BPIFA2: variants seen among roughly 807,000 people sequenced by gnomAD.
The protein encoded by BPIFA2 is BPI fold containing family A member 2.
Under a neutral mutation model 25.7 loss-of-function variants are expected in BPIFA2, and 20 were observed. The observed-to-expected ratio is 0.78, with a 90% confidence interval of 0.55 to 1.13. The LOEUF is 1.13. Among genes scored for constraint, BPIFA2 ranks in the 50% most tolerant of loss-of-function variants. BPIFA2 has a pLI of 0.00. For missense variants in BPIFA2, 300 were observed against 298.1 expected (o/e 1.01, Z -0.05); for synonymous variants, 126 against 124.3 (o/e 1.01, Z -0.09).
rs200787270 is a variant in BPIFA2, at chr20:33,169,348, T to A, written c.157+46T>A. On this transcript the variant is annotated intron_variant, in intron 2 of 8. Coordinates refer to ENST00000354932, the MANE Select transcript of BPIFA2 (RefSeq NM_080574.4). ...AACAGTGTCACCTAAATTAGCCTCC[T>A]AAACACTATGCCTGCATTACCAGAG... The A allele has an allele frequency of 1.8e-5, 29 of 1,589,110 alleles. No individual in the cohort carries two copies. In the Admixed American group the frequency reaches 4.8e-4, roughly 27 times the overall value.
At chr20:33,180,422 G>C (rs1984236502) in intron 7 of BPIFA2, 98 bp from the exon 8 acceptor site, 1 of 1,360,364 alleles carries the variant, frequency 7.4e-7, no homozygotes, top group Admixed American at 1.7e-5. Context: ...TCCCACAACT[G>C]TCAGGTTACC....
chr20:33,176,581 TG>T (rs1568609548), intron 5 of BPIFA2, among the ~76,000 whole-genome samples: 1 of 152,218 alleles, frequency 6.6e-6, no homozygotes, highest in South Asian at 2.1e-4. Context: ...GGAGCCTGGC[TG>T]GGTGCTATCT....
chr20:33,167,725 C>A (rs1046183957), upstream of BPIFA2, among the ~76,000 whole-genome samples: 4 of 152,102 alleles, frequency 2.6e-5, no homozygotes, highest in Non-Finnish European at 5.9e-5. Context: ...CAATTCTAGA[C>A]CCATCTCGGT....
upstream of BPIFA2, among the ~76,000 whole-genome samples, chr20:33,167,969 A>G (rs928506243): frequency 1.3e-5 from 2 of 152,168 alleles, no homozygotes; most frequent in African/African-American, 4.8e-5. Context: ...AGCCCTCTCC[A>G]TAGCCATCCG....
At chr20:33,164,559 CTCTTTCTT>C (rs72080740), upstream of BPIFA2, among the ~76,000 whole-genome samples, 958 of 151,506 alleles carry the variant, frequency 6.3e-3, 13 homozygotes, top group East Asian at 0.034. Context: ...TCCCCTCTCT[CTCTTTCTT>C]TCTTTCTTTC....
chr20:33,164,619 C>A (rs6120129), upstream of BPIFA2, among the ~76,000 whole-genome samples: 9,189 of 151,396 alleles, frequency 0.061, 948 homozygotes, highest in African/African-American at 0.21. Context: ...TCTTCCCTCC[C>A]TCCTTCCCTC....
At chr20:33,178,313 C>A in intron 6 of BPIFA2, 85 bp downstream of exon 6, 2 of 1,060,974 alleles carry the variant, frequency 1.9e-6, no homozygotes, top group Non-Finnish European at 2.7e-6. Context: ...ATCCTCTGAG[C>A]ACTTTTCCTT....
At chr20:33,173,345 A>G (rs17124287) in intron 3 of BPIFA2, among the ~76,000 whole-genome samples, 14,054 of 152,092 alleles carry the variant, frequency 0.092, 2,131 homozygotes, top group African/African-American at 0.31. Context: ...ACCTCTACCC[A>G]TTTGCTGGTA....
chr20:33,179,684 G>C lies in BPIFA2; in HGVS notation c.709+17G>C, dbSNP rs780563880. 1.3e-6 allele frequency: 2 copies of C among 1,596,908 alleles called. No homozygotes were observed. Among genetic ancestry groups the C allele is most frequent in the African/African-American group, 2.7e-5 (2 of 74,248 alleles). Reference sequence around the variant, plus strand: ...AGGTCGTCGGTAAGTCAATGGGGAAGTGGGGACCTTCTGAGGCAGGCATGG... The same window carrying C: ...AGGTCGTCGGTAAGTCAATGGGGAACTGGGGACCTTCTGAGGCAGGCATGG... On this transcript the variant is annotated intron_variant, in intron 7 of 8. Coordinates refer to ENST00000354932, the MANE Select transcript of BPIFA2 (RefSeq NM_080574.4).
intron 5 of BPIFA2, among the ~76,000 whole-genome samples, chr20:33,177,373 G>T (rs79781574): frequency 4.8e-4 from 72 of 150,668 alleles, no homozygotes; most frequent in African/African-American, 1.7e-3. Context: ...AAAAAAAAGT[G>T]TATTGAGCAT....
chr20:33,176,083 A>T (rs1225532781), intron 5 of BPIFA2, among the ~76,000 whole-genome samples: 1 of 152,228 alleles, frequency 6.6e-6, no homozygotes, highest in Non-Finnish European at 1.5e-5. Context: ...TAACGATAAA[A>T]TTATATTTAC....
intron 4 of BPIFA2, 39 bp from the exon 5 acceptor site, chr20:33,175,368 C>A (rs757943987): frequency 1.9e-6 from 3 of 1,595,750 alleles, no homozygotes; most frequent in Non-Finnish European, 2.6e-6. Flanking sequence ...CAGGCAGGAA[C>A]TTCTAGACTT....
chr20:33,176,148 T>TA (rs11481237), intron 5 of BPIFA2, among the ~76,000 whole-genome samples: 11,691 of 152,316 alleles, frequency 0.077, 1,477 homozygotes, highest in African/African-American at 0.26. Flanking sequence ...CCACGGGCTC[T>TA]AATTTCAGAT....
chr20:33,169,096 C>T (rs1428392309), intron 1 of BPIFA2, 35 bp from the exon 2 acceptor site: 1 of 1,559,418 alleles, frequency 6.4e-7, no homozygotes, highest in Non-Finnish European at 8.8e-7. Context: ...TCCCTCTGGG[C>T]AATTCTCACT....
intron 1 of BPIFA2, among the ~76,000 whole-genome samples, chr20:33,162,624 G>A (rs1241801081): frequency 3.3e-5 from 5 of 152,228 alleles, no homozygotes; most frequent in African/African-American, 4.8e-5. Flanking sequence ...ATGTCAGGCA[G>A]ATGATCATGG....
At chr20:33,180,274 C>G (rs1389465491) in intron 7 of BPIFA2, among the ~76,000 whole-genome samples, 1 of 152,070 alleles carries the variant, frequency 6.6e-6, no homozygotes, top group Non-Finnish European at 1.5e-5. Context: ...AGTCCAGTCC[C>G]TTAGGCAGTC....
At chr20:33,163,403 C>G (rs895378475), upstream of BPIFA2, among the ~76,000 whole-genome samples, 4 of 152,198 alleles carry the variant, frequency 2.6e-5, no homozygotes, top group African/African-American at 7.2e-5. Context: ...AACCCACAAC[C>G]CTTCAACCAG....
At chr20:33,177,729 T>C (rs1221042892) in intron 5 of BPIFA2, among the ~76,000 whole-genome samples, 1 of 151,622 alleles carries the variant, frequency 6.6e-6, no homozygotes, top group Non-Finnish European at 1.5e-5. Context: ...ATACTAAGAG[T>C]TGAAGGTGGG....
chr20:33,178,812 G>A (rs982567519), intron 6 of BPIFA2, among the ~76,000 whole-genome samples: 5 of 152,234 alleles, frequency 3.3e-5, no homozygotes, highest in African/African-American at 9.6e-5. Context: ...TTCCAAAAGC[G>A]ATCCTCCACC....
Sources: gnomAD v4.1 joint callset for allele counts (sites outside exome capture counted in the v4.1 genomes callset) on GRCh38, gnomAD v4.1.1 for gene constraint, MANE v1.5 for transcripts, NCBI Gene and HGNC (gene_info 2026-07-23, HGNC 2026-07-21) for gene names.